Variants in CREB5 observed in about 807,000 individuals in gnomAD.
CREB5 encodes the protein cyclic AMP-responsive element-binding protein 5.
In CREB5, 19 loss-of-function variants were observed where a neutral mutation model predicts 57.1. That is an observed-to-expected ratio of 0.33 (90% confidence interval 0.23 to 0.49). CREB5 has a LOEUF of 0.49. Among genes scored for constraint, CREB5 ranks in the 20% least tolerant of loss-of-function variants. CREB5 has a pLI of 0.99. For synonymous variants in CREB5, 238 were observed against 238.3 expected (o/e 1.00, Z 0.01); for missense variants, 579 against 671.6 (o/e 0.86, Z 1.52).
chr7:28,787,576 T>C (rs1185064850), intron 7 of CREB5, among the ~76,000 whole-genome samples: 1 of 152,218 alleles, frequency 6.6e-6, no homozygotes, highest in Non-Finnish European at 1.5e-5. Flanking sequence ...TCTTTTGTCG[T>C]TGTTTTTTGA....
chr7:28,811,861 G>T (rs1317320500), intron 9 of CREB5, among the ~76,000 whole-genome samples: 1 of 152,166 alleles, frequency 6.6e-6, no homozygotes, highest in Non-Finnish European at 1.5e-5. Flanking sequence ...TTACCGCAGT[G>T]GTTCTGCAAT....
intron 3 of CREB5, among the ~76,000 whole-genome samples, chr7:28,506,000 C>T (rs182680042): frequency 2.6e-5 from 4 of 152,272 alleles, no homozygotes; most frequent in African/African-American, 9.6e-5. Context: ...TTACGAACAG[C>T]TGTGGTATGC....
chr7:28,624,380 G>T (rs1475630966), intron 5 of CREB5, among the ~76,000 whole-genome samples: 1 of 152,132 alleles, frequency 6.6e-6, no homozygotes, highest in African/African-American at 2.4e-5. Context: ...AAAGTTAATT[G>T]CCCTTTGGTT....
intron 5 of CREB5, among the ~76,000 whole-genome samples, chr7:28,693,846 A>G (rs1801401893): frequency 6.6e-6 from 1 of 152,216 alleles, no homozygotes; most frequent in South Asian, 2.1e-4. Flanking sequence ...GGATAATAAT[A>G]TATTTTGGGC....
intron 1 of CREB5, among the ~76,000 whole-genome samples, chr7:28,394,825 A>T (rs1432773123): frequency 6.6e-6 from 1 of 152,218 alleles, no homozygotes; most frequent in African/African-American, 2.4e-5. Flanking sequence ...TTAGAAATTC[A>T]TCCTCTAACC....
chr7:28,398,811 A>G (rs962842039), intron 1 of CREB5, among the ~76,000 whole-genome samples: 3 of 152,032 alleles, frequency 2.0e-5, no homozygotes, highest in East Asian at 3.9e-4. Context: ...TCTGAGGCTC[A>G]AGCGATCCTC....
At chr7:28,567,700 G>T (rs1320064774) in intron 4 of CREB5, among the ~76,000 whole-genome samples, 1 of 152,216 alleles carries the variant, frequency 6.6e-6, no homozygotes, top group Non-Finnish European at 1.5e-5. Flanking sequence ...GGTGGAGGCA[G>T]GGCAAGGGCA....
chr7:28,799,866 T>A (rs1481280027), intron 7 of CREB5, among the ~76,000 whole-genome samples: 2 of 152,248 alleles, frequency 1.3e-5, no homozygotes, highest in Non-Finnish European at 2.9e-5. Flanking sequence ...CTAACCTTGG[T>A]TGACTAATAA....
chr7:28,705,271 G>A (rs1321339066), intron 5 of CREB5, among the ~76,000 whole-genome samples: 4 of 150,680 alleles, frequency 2.7e-5, no homozygotes, highest in African/African-American at 9.8e-5. Flanking sequence ...GCTGAGGCAG[G>A]AGAATTGCTT....
chr7:28,547,773 G>A (rs1371604691), intron 4 of CREB5, among the ~76,000 whole-genome samples: 1 of 152,118 alleles, frequency 6.6e-6, no homozygotes, highest in Non-Finnish European at 1.5e-5. Context: ...CTCTCGCATT[G>A]TCATCTTTCG....
At chr7:28,418,278 G>A (rs1788100097) in intron 1 of CREB5, among the ~76,000 whole-genome samples, 1 of 152,146 alleles carries the variant, frequency 6.6e-6, no homozygotes, top group Non-Finnish European at 1.5e-5. Flanking sequence ...GTTTTTCAAT[G>A]CACATCAGAA....
chr7:28,715,694 G>T (rs1212121610), intron 5 of CREB5, among the ~76,000 whole-genome samples: 3 of 152,100 alleles, frequency 2.0e-5, no homozygotes, highest in African/African-American at 7.2e-5. Flanking sequence ...ATTCAAGCAA[G>T]AAACAGAGAG....
At chr7:28,379,593 T>C (rs998782377) in intron 1 of CREB5, among the ~76,000 whole-genome samples, 9 of 152,220 alleles carry the variant, frequency 5.9e-5, no homozygotes, top group African/African-American at 1.7e-4. Flanking sequence ...TGCCCAATCT[T>C]GGATGCACGT....
intron 1 of CREB5, among the ~76,000 whole-genome samples, chr7:28,400,736 AC>A (rs1787444163): frequency 1.3e-5 from 2 of 152,354 alleles, no homozygotes; most frequent in East Asian, 3.9e-4. Context: ...TTTAAAAGCT[AC>A]TGAAATTCTC....
intron 1 of CREB5, among the ~76,000 whole-genome samples, chr7:28,369,052 C>CAA (rs1562678187): frequency 7.7e-6 from 1 of 129,268 alleles, no homozygotes; most frequent in Non-Finnish European, 1.7e-5. Flanking sequence ...CTCAAAAAAA[C>CAA]AAAACAAACA....
rs576438283 is a variant in CREB5, at chr7:28,454,040, G to A, written c.4-34135G>A. Among the ~76,000 whole-genome samples the A allele has an allele frequency of 2.1e-5, 3 of 144,950 alleles. No individual in the cohort carries two copies. The East Asian group carries it at 6.4e-4, about 31-fold the overall frequency. On this transcript the variant is annotated intron_variant, in intron 1 of 10. Coordinates refer to ENST00000357727, the MANE Select transcript of CREB5 (RefSeq NM_182898.4). ...ATGATCTCGGCTCACTGTAAGCTCC[G>A]CCTCCTGGATTCATGCCATTCTCCT...
In CREB5 at chr7:28,342,278, C is replaced by T. The variant is rs114883817; in HGVS notation, c.-25+42837C>T. Among the ~76,000 whole-genome samples, 1,201 of 152,214 alleles carry T rather than the reference C, an allele frequency of 7.9e-3. 14 individuals are homozygous for T. Among genetic ancestry groups the T allele is most frequent in the African/African-American group, 0.027 (1,130 of 41,502 alleles). The stretch of plus-strand genomic sequence containing the variant: ...TAGATGTGGCTATCATCCTTGGTCA[C>T]GGTGTGGAAGGATAGATGAGGGTTA... On this transcript the variant is annotated intron_variant, in intron 1 of 9. Coordinates refer to the CREB5 transcript ENST00000396299.
intron 1 of CREB5, among the ~76,000 whole-genome samples, chr7:28,363,573 C>T (rs1469215069): frequency 6.6e-6 from 1 of 151,680 alleles, no homozygotes; most frequent in Non-Finnish European, 1.5e-5. Context: ...AACTTCCTTA[C>T]AGAACTTACT....
intron 4 of CREB5, among the ~76,000 whole-genome samples, chr7:28,560,957 T>TGCGC (rs1375860415): frequency 1.8e-4 from 8 of 43,442 alleles, no homozygotes; most frequent in South Asian, 2.5e-3. Flanking sequence ...TGTGCGTGTG[T>TGCGC]GTGCGTGTGT....
Sources: gnomAD v4.1 joint callset for allele counts (sites outside exome capture counted in the v4.1 genomes callset) on GRCh38, gnomAD v4.1.1 for gene constraint, MANE v1.5 for transcripts, NCBI Gene and HGNC (gene_info 2026-07-23, HGNC 2026-07-21) for gene names.